Variants in BDNF observed in about 807,000 individuals in gnomAD.
The protein encoded by BDNF is brain derived neurotrophic factor.
Under a neutral mutation model 19.5 loss-of-function variants are expected in BDNF, and 1 was observed. That is an observed-to-expected ratio of 0.05 (90% CI 0.02 to 0.24). The LOEUF (loss-of-function observed/expected upper bound fraction) is 0.24. Among genes scored for constraint, BDNF ranks in the 10% least tolerant of loss-of-function variants. The pLI, the probability that BDNF is intolerant of heterozygous loss-of-function variation, is 1.00. For missense variants in BDNF, 195 were observed against 317.6 expected, an observed-to-expected ratio of 0.61 and a Z score of 2.93; for synonymous variants, 100 against 121.6, an observed-to-expected ratio of 0.82 and a Z score of 1.17.
At chr11:27,711,843 G>A (rs1306775912) in intron 1 of BDNF, among the ~76,000 whole-genome samples, 1 of 152,222 alleles carries the variant, frequency 6.6e-6, no homozygotes, top group Non-Finnish European at 1.5e-5. Flanking sequence ...AACAGGAAGA[G>A]TTTCAGTAAT....
At position 27,656,927 on chromosome 11, in the gene BDNF, A is replaced by AAAAC. The variant is rs1343402766; in HGVS notation, c.*890_*893dup. 2 of 984,042 alleles carry AAAAC rather than the reference A, an allele frequency of 2.0e-6. No individual in the cohort carries two copies. The highest frequency in any genetic ancestry group is 2.4e-6 in the Non-Finnish European group (2 of 828,956). The allele number at this position is 984,042 out of a possible 1,614,324, so 61.0% of individuals were successfully genotyped here. A position where few individuals can be genotyped will look rare whatever the true frequency, so the allele number is the denominator to read the frequency against. ...AACGCGCAACTGATTTTTCTTCCTTAAAACAAAACAAAGAGGAGACCAGAG... is the reference window on the plus strand; with the variant it reads ...AACGCGCAACTGATTTTTCTTCCTTAAAACAAACAAAACAAAGAGGAGACCAGAG... On this transcript the variant is annotated 3_prime_UTR_variant, in exon 2 of 2. Transcript: ENST00000356660.
chr11:27,720,865 G>T, intron 1 of BDNF: 1 of 738,516 alleles, frequency 1.4e-6, no homozygotes, highest in Non-Finnish European at 1.7e-6. Context: ...TTGATCACAT[G>T]TTGATGAGAA....
Position 27,700,074 on chromosome 11 carries a change from C to T in BDNF, c.-22+90G>A, listed in dbSNP as rs73446388. 6.1e-3 allele frequency: 5,992 copies of T among 978,780 alleles called. 255 individuals are homozygous for T. The African/African-American group carries it at 0.092, about 15-fold the overall frequency. 60.6% of individuals were successfully genotyped at this position (978,780 alleles called of 1,614,324 possible). On this transcript the variant is annotated intron_variant, in intron 1 of 1. Transcript: ENST00000356660. ...AGGAAAGAAGGAGACTGGCCTCGTC[C>T]CACAACTTTGGGGTGGGGGATCCCC...
intron 1 of BDNF, chr11:27,659,777 A>C: frequency 1.5e-6 from 1 of 675,124 alleles, no homozygotes; most frequent in Non-Finnish European, 1.8e-6. Context: ...AAGTCCCTTA[A>C]AAGCATACCA....
intron 1 of BDNF, chr11:27,675,505 G>A (rs979023520): frequency 3.3e-5 from 5 of 152,054 alleles, no homozygotes; most frequent in Middle Eastern, 3.2e-3. Context: ...GAGTAAGAAC[G>A]CTTTCAATTA....
rs140607969 is a variant in BDNF at position 27,661,277 on chromosome 11, A to G, written c.-21-2692T>C. Among the ~76,000 whole-genome samples the G allele has an allele frequency of 3.6e-3, 546 of 152,346 alleles. 1 individual carries two copies. The highest frequency in any genetic ancestry group is 0.012 in the African/African-American group (517 of 41,580). On this transcript the variant is annotated intron_variant, in intron 1 of 1. Coordinates refer to ENST00000356660, the MANE Select transcript of BDNF (RefSeq NM_001709.5). ...CTTGAAGTTAAGTGGGTGCAACACC[A>G]AACTCAATACTTTTTGTTGGAACAG...
At chr11:27,667,050 A>G (rs1022189329) in intron 1 of BDNF, among the ~76,000 whole-genome samples, 1 of 152,246 alleles carries the variant, frequency 6.6e-6, no homozygotes, top group Non-Finnish European at 1.5e-5. Context: ...AGGGAAGTCC[A>G]TCAGACTAAC....
In BDNF at chr11:27,700,408, G is replaced by T; in HGVS notation, c.-266C>A. 1.0e-6 allele frequency: 1 copy of T among 985,768 alleles called. No homozygotes were observed. The highest frequency in any genetic ancestry group is 1.2e-6 in the Non-Finnish European group (1 of 830,086). 61.1% of individuals were successfully genotyped at this position (985,768 alleles called of 1,614,324 possible). A position where few individuals can be genotyped will look rare whatever the true frequency, so the allele number is the denominator to read the frequency against. On this transcript the variant is annotated 5_prime_UTR_variant, in exon 1 of 2. Transcript: ENST00000356660. ...CGCGGGACAGCGAGCGGGCGGGTGC[G>T]CCCGGGCGCGGCGGCGGCAGCGTCG...
chr11:27,662,426 T>A (rs1172216478), intron 1 of BDNF, among the ~76,000 whole-genome samples: 4 of 152,214 alleles, frequency 2.6e-5, no homozygotes, highest in Non-Finnish European at 5.9e-5. Flanking sequence ...AGAAGCCTTT[T>A]CATTTGGAAA....
At chr11:27,671,192 G>T (rs964569856) in intron 1 of BDNF, among the ~76,000 whole-genome samples, 1 of 151,980 alleles carries the variant, frequency 6.6e-6, no homozygotes, top group Non-Finnish European at 1.5e-5. Context: ...AGCATTAGGA[G>T]ATATACCTAA....
At chr11:27,718,358 C>CCCCA (rs1554950402) in intron 1 of BDNF, among the ~76,000 whole-genome samples, 2 of 144,310 alleles carry the variant, frequency 1.4e-5, no homozygotes, top group East Asian at 2.3e-4. Context: ...CACACCACCC[C>CCCCA]CCCCCGCCCC....
At position 27,656,934 on chromosome 11, in the gene BDNF, AAC is replaced by A. The variant is rs1852636722; in HGVS notation, c.*885_*886del. 3 of 985,312 alleles carry A rather than the reference AAC, an allele frequency of 3.0e-6. No homozygotes were observed. The South Asian group carries it at 1.4e-4, about 46-fold the overall frequency. The allele number at this position is 985,312 out of a possible 1,614,324, so 61.0% of individuals were successfully genotyped here. ...AACTGATTTTTCTTCCTTAAAACAA[AAC>A]AAAGAGGAGACCAGAGGGGGAGGGG... On this transcript the variant is annotated 3_prime_UTR_variant, in exon 2 of 2. Coordinates refer to ENST00000356660, the MANE Select transcript of BDNF (RefSeq NM_001709.5).
chr11:27,699,334 C>T, intron 1 of BDNF: 1 of 1,611,542 alleles, frequency 6.2e-7, no homozygotes, highest in Non-Finnish European at 8.5e-7. Flanking sequence ...CCGTCAGGCA[C>T]AGAGCCCCCA....
intron 1 of BDNF, among the ~76,000 whole-genome samples, chr11:27,667,673 G>C (rs1854595596): frequency 6.6e-6 from 1 of 152,104 alleles, no homozygotes; most frequent in African/African-American, 2.4e-5. Flanking sequence ...GACAAAGAAG[G>C]CCATTACATA....
At chr11:27,663,254 A>G (rs1853755693) in intron 1 of BDNF, among the ~76,000 whole-genome samples, 1 of 152,236 alleles carries the variant, frequency 6.6e-6, no homozygotes, top group Non-Finnish European at 1.5e-5. Context: ...CAGATTATAT[A>G]TTTATTTATA....
chr11:27,707,343 C>G (rs912467587), intron 1 of BDNF, among the ~76,000 whole-genome samples: 2 of 152,172 alleles, frequency 1.3e-5, no homozygotes, highest in African/African-American at 4.8e-5. Context: ...AAATATTGTT[C>G]CCATTACTCA....
chr11:27,676,784 C>G (rs953560372), intron 1 of BDNF, among the ~76,000 whole-genome samples: 11 of 152,170 alleles, frequency 7.2e-5, no homozygotes, highest in African/African-American at 2.4e-4. Context: ...CAAGACATCC[C>G]TGTGATTTGG....
rs561686597 is a variant in BDNF at position 27,680,355 on chromosome 11, G to A, written c.-22+19809C>T. ...TTTTGTTCAATAAAGATCATATTTT[G>A]TAGATCAAAAGATTATATGATCTGC... On this transcript the variant is annotated intron_variant, in intron 1 of 1. Transcript: ENST00000356660. Among the ~76,000 whole-genome samples, 310 of 152,286 alleles carry A rather than the reference G, an allele frequency of 2.0e-3. 3 individuals are homozygous for A. Among genetic ancestry groups the A allele is most frequent in the East Asian group, 7.7e-4 (4 of 5,178 alleles).
chr11:27,684,944 C>T (rs755801851), intron 1 of BDNF, among the ~76,000 whole-genome samples: 1 of 152,136 alleles, frequency 6.6e-6, no homozygotes, highest in Non-Finnish European at 1.5e-5. Flanking sequence ...CCCTCCTTTT[C>T]TATTGATTGG....
Sources: allele counts gnomAD v4.1 joint callset (sites outside exome capture counted in the v4.1 genomes callset), GRCh38; gene constraint gnomAD v4.1.1; transcripts MANE v1.5; gene names NCBI Gene and HGNC (gene_info 2026-07-23, HGNC 2026-07-21).